PAK3: variants seen among roughly 807,000 people sequenced by gnomAD.
PAK3 encodes the protein p21 (RAC1) activated kinase 3, also known as serine/threonine-protein kinase PAK 3.
PAK3 carries 4 observed loss-of-function variants against 41.0 expected under a neutral mutation model. That is an observed-to-expected ratio of 0.10 (90% CI 0.05 to 0.22). The LOEUF is 0.22. Ranked by LOEUF, PAK3 falls within the 10% of genes least tolerant of loss-of-function variation. The probability of loss-of-function intolerance (pLI) is 1.00; values close to 1 mark genes in which losing one functional copy is unlikely to be tolerated. For synonymous variants in PAK3, 146 were observed against 139.6 expected, an observed-to-expected ratio of 1.05 and a Z score of -0.32; for missense variants, 205 against 409.9, an observed-to-expected ratio of 0.50 and a Z score of 4.32.
intron 1 of PAK3, among the ~76,000 whole-genome samples, chrX:111,040,616 C>T (rs1186219027): frequency 8.9e-6 from 1 of 111,802 alleles, no homozygotes; most frequent in Non-Finnish European, 1.9e-5. Context: ...TCTTGAGGCT[C>T]ATAGGACCAA....
intron 1 of PAK3, among the ~76,000 whole-genome samples, chrX:110,990,949 C>A (rs980161968): frequency 9.1e-6 from 1 of 110,110 alleles, no homozygotes; most frequent in East Asian, 2.9e-4. Context: ...GGCAACATAG[C>A]AAAACCTCAT....
chrX:111,027,448 A>G (rs746760612), intron 1 of PAK3, among the ~76,000 whole-genome samples: 1 of 111,864 alleles, frequency 8.9e-6, no homozygotes, highest in South Asian at 3.7e-4. Flanking sequence ...CAGAGTCTAC[A>G]AAGAACTCAA....
At chrX:111,082,908 T>G (rs995183142) in intron 1 of PAK3, among the ~76,000 whole-genome samples, 1 of 112,345 alleles carries the variant, frequency 8.9e-6, no homozygotes, top group Non-Finnish European at 1.9e-5. Flanking sequence ...GTATCTTCTA[T>G]GTCTAGCATG....
chrX:111,152,692 T>C (rs1216702835), intron 8 of PAK3: 4 of 279,715 alleles, frequency 1.4e-5, no homozygotes, highest in African/African-American at 2.7e-5. Flanking sequence ...AGTAAAATCC[T>C]TCATACCTAC....
At chrX:111,163,443 C>T in intron 9 of PAK3, 119 bp from the exon 10 acceptor site, 2 of 455,823 alleles carry the variant, frequency 4.4e-6, no homozygotes, top group Non-Finnish European at 7.5e-6. Context: ...ACTCAAAGTC[C>T]TTTTTTTTTT....
intron 1 of PAK3, among the ~76,000 whole-genome samples, chrX:111,068,212 TG>T (rs2092715266): frequency 8.9e-6 from 1 of 112,151 alleles, no homozygotes; most frequent in Non-Finnish European, 1.9e-5. Flanking sequence ...TCTCGTTTTA[TG>T]GATCATCTAT....
rs2094920397 is a variant in PAK3 at position 111,220,582 on chromosome X, T to A, written c.*135T>A. The A allele has an allele frequency of 3.9e-6, 2 of 510,941 alleles. 1 individual carries two copies. Among genetic ancestry groups the A allele is most frequent in the Admixed American group, 5.7e-5 (2 of 34,874 alleles). 42.1% of individuals were successfully genotyped at this position (510,941 alleles called of 1,213,427 possible). ...CTTTCAAATGAATAGAAACTTCTTATAAGCCTTTTTCCTACTCCCTCAGAT... is the reference window on the plus strand; with the variant it reads ...CTTTCAAATGAATAGAAACTTCTTAAAAGCCTTTTTCCTACTCCCTCAGAT... On this transcript the variant is annotated 3_prime_UTR_variant, in exon 18 of 18. Coordinates refer to ENST00000372007, the MANE Select transcript of PAK3 (RefSeq NM_002578.5).
At chrX:110,948,659 G>A (rs1237174350) in intron 1 of PAK3, among the ~76,000 whole-genome samples, 1 of 111,425 alleles carries the variant, frequency 9.0e-6, no homozygotes, top group Non-Finnish European at 1.9e-5. Context: ...ATTGCAAACT[G>A]GGTTTGGGGT....
intron 1 of PAK3, among the ~76,000 whole-genome samples, chrX:111,057,282 A>G (rs752461999): frequency 8.9e-5 from 10 of 111,909 alleles, no homozygotes; most frequent in Non-Finnish European, 1.7e-4. Flanking sequence ...TCCTTCAAGA[A>G]TGGCCATGAT....
At chrX:111,013,263 CAG>C (rs1295006345) in intron 1 of PAK3, among the ~76,000 whole-genome samples, 48 of 112,383 alleles carry the variant, frequency 4.3e-4, no homozygotes, top group Middle Eastern at 4.6e-3. Context: ...CATTTGACAA[CAG>C]AGATAATTAG....
intron 1 of PAK3, among the ~76,000 whole-genome samples, chrX:111,017,440 G>A (rs939942146): frequency 1.3e-4 from 15 of 111,238 alleles, no homozygotes; most frequent in Non-Finnish European, 2.6e-4. Context: ...GGAATAAAAA[G>A]ATTATAAGGG....
At chrX:111,001,919 C>G (rs761675187) in intron 1 of PAK3, among the ~76,000 whole-genome samples, 5 of 106,777 alleles carry the variant, frequency 4.7e-5, no homozygotes, top group African/African-American at 1.7e-4. Flanking sequence ...GACCAGTCCA[C>G]ACAAGAGTGC....
At chrX:111,208,765 A>G (rs939007038) in intron 16 of PAK3, among the ~76,000 whole-genome samples, 2 of 111,956 alleles carry the variant, frequency 1.8e-5, no homozygotes, top group African/African-American at 6.5e-5. Flanking sequence ...GCATGGCTGT[A>G]TTTACATGGC....
intron 1 of PAK3, among the ~76,000 whole-genome samples, chrX:110,964,262 A>C (rs1314456614): frequency 8.9e-6 from 1 of 112,159 alleles, no homozygotes; most frequent in Non-Finnish European, 1.9e-5. Flanking sequence ...AAGCTCAAGC[A>C]TTTTCAAGTG....
intron 16 of PAK3, among the ~76,000 whole-genome samples, chrX:111,199,367 A>G (rs1410897358): frequency 1.8e-5 from 2 of 111,350 alleles, no homozygotes; most frequent in Non-Finnish European, 3.8e-5. Context: ...TTTTTCTAAC[A>G]TGCTTTGATT....
intron 1 of PAK3, among the ~76,000 whole-genome samples, chrX:111,068,875 C>T (rs375675323): frequency 1.8e-5 from 2 of 111,857 alleles, no homozygotes; most frequent in African/African-American, 6.5e-5. Context: ...ATATATATTG[C>T]GTTGAGCTTG....
In PAK3 at chrX:111,058,152, G is replaced by GT. The variant is rs771225647; in HGVS notation, c.-27-64920dup. Among the ~76,000 whole-genome samples, 13 of 111,952 alleles carry GT rather than the reference G, an allele frequency of 1.2e-4. No homozygotes were observed. The South Asian group carries it at 4.5e-3, about 39-fold the overall frequency. ...TGCTCCTATGAATATTCCTATACAA[G>GT]TTTTTGTGTGGGCGTGTGTTTTCAT... On this transcript the variant is annotated intron_variant, in intron 1 of 14. Transcript: ENST00000425146.
At chrX:111,106,435 C>T (rs1312082081) in intron 4 of PAK3, among the ~76,000 whole-genome samples, 2 of 111,656 alleles carry the variant, frequency 1.8e-5, no homozygotes, top group Non-Finnish European at 3.8e-5. Context: ...GATACACTTA[C>T]ACTGACACAC....
chrX:111,166,937 G>A (rs2094263546), intron 10 of PAK3, among the ~76,000 whole-genome samples: 1 of 111,773 alleles, frequency 8.9e-6, no homozygotes, highest in African/African-American at 3.3e-5. Context: ...TATACTAGCT[G>A]TATGTCCTTA....
Sources: allele counts gnomAD v4.1 joint callset (sites outside exome capture counted in the v4.1 genomes callset), GRCh38; gene constraint gnomAD v4.1.1; transcripts MANE v1.5; gene names NCBI Gene and HGNC (gene_info 2026-07-23, HGNC 2026-07-21).